KCNA2: variants seen among roughly 807,000 people sequenced by gnomAD.
KCNA2 encodes potassium channel, voltage gated shaker related subfamily A, member 2.
A neutral mutation model predicts 33.4 loss-of-function variants in KCNA2; 11 were observed. That is an observed-to-expected ratio of 0.33 (90% confidence interval 0.21 to 0.55). The LOEUF (loss-of-function observed/expected upper bound fraction) is 0.55, where lower values mean the gene tolerates loss of function less well. Ranked by LOEUF, KCNA2 falls within the 20% of genes least tolerant of loss-of-function variation. The probability of loss-of-function intolerance (pLI) is 0.93; values close to 1 mark genes in which losing one functional copy is unlikely to be tolerated. For synonymous variants in KCNA2, 222 were observed against 231.3 expected (o/e 0.96, Z 0.37); for missense variants, 291 against 621.6 (o/e 0.47, Z 5.66).
chr1:110,602,932 G>C lies in KCNA2; in HGVS notation c.*351C>G. On this transcript the variant is annotated 3_prime_UTR_variant, in exon 3 of 3. Transcript: ENST00000316361. ...TAAGGTGGTGGGATGGTGGGGAGGG[G>C]AGTGCATCTCTTGGATGTTGTGTGC... 9.4e-7 allele frequency: 1 copy of C among 1,062,644 alleles called. No individual in the cohort carries two copies. Among genetic ancestry groups the C allele is most frequent in the Non-Finnish European group, 1.1e-6 (1 of 880,594 alleles). The allele number at this position is 1,062,644 out of a possible 1,614,324, so 65.8% of individuals were successfully genotyped here. A position where few individuals can be genotyped will look rare whatever the true frequency, so the allele number is the denominator to read the frequency against.
In KCNA2 at chr1:110,604,213, A is replaced by G. The variant is rs1557732627; in HGVS notation, c.570T>C (p.Asp190=). The G allele has an allele frequency of 6.2e-7, 1 of 1,614,192 alleles. No individual in the cohort carries two copies. Among genetic ancestry groups the G allele is most frequent in the Admixed American group, 1.7e-5 (1 of 60,024 alleles). Residue 190 remains aspartate (D), a synonymous_variant, in exon 3 of 3, where the codon GAT becomes GAC. Transcript: ENST00000316361. The surrounding 1 kb of genome is among the most constrained non-coding windows in gnomAD (Gnocchi z 7.6). The part of the protein sequence containing the change: ...FCLETLPIFR[D]ENEDMHGSGV... ...CACTACCATGCATGTCTTCATTCTCATCCCGGAAGATGGGCAATGTTTCCA... is the reference window on the plus strand; with the variant it reads ...CACTACCATGCATGTCTTCATTCTCGTCCCGGAAGATGGGCAATGTTTCCA...
In KCNA2 at chr1:110,602,006, T is replaced by G; in HGVS notation, c.*1277A>C. 6.5e-7 allele frequency: 1 copy of G among 1,548,528 alleles called. No homozygotes were observed. Among genetic ancestry groups the G allele is most frequent in the South Asian group, 1.2e-5 (1 of 83,736 alleles). On this transcript the variant is annotated 3_prime_UTR_variant, in exon 3 of 3. Coordinates refer to ENST00000316361, the MANE Select transcript of KCNA2 (RefSeq NM_004974.4). ...GTGAAAGAGAGATACTCGATATATA[T>G]TTATATACACTGGATCCACAGACCT...
Position 110,601,094 on chromosome 1 carries a change from C to T in KCNA2, c.*2189G>A, listed in dbSNP as rs142125195. ...CTGTCTACCTTTAGGCTGTGCAGTG[C>T]TCATTTGCACTCTACTTCTTCTGGG... is the stretch of plus-strand genomic sequence containing the variant. On this transcript the variant is annotated 3_prime_UTR_variant, in exon 3 of 3. Transcript: ENST00000316361. The T allele has an allele frequency of 3.2e-4, 318 of 985,428 alleles. No homozygotes were observed. The African/African-American group carries it at 5.2e-3, about 16-fold the overall frequency. The allele number at this position is 985,428 out of a possible 1,614,324, so 61.0% of individuals were successfully genotyped here. A position where few individuals can be genotyped will look rare whatever the true frequency, so the allele number is the denominator to read the frequency against.
At position 110,603,722 on chromosome 1, in the gene KCNA2, C is replaced by A; in HGVS notation, c.1061G>T (p.Arg354Leu). ...SAVYFAEADE[R>L]ESQFPSIPDA... is the part of the protein sequence containing the mutation. ...TGGGATGCTGGGGAACTGGGACTCT[C>A]GCTCATCGGCCTCTGCAAAATACAC... is the stretch of plus-strand genomic sequence containing the variant. Residue 354 changes from arginine to leucine, a missense_variant, in exon 3 of 3, where the codon CGA (arginine) becomes CTA (leucine). Transcript: ENST00000316361. This position sits in a 1 kb window ranked among gnomAD's most constrained non-coding sequence, Gnocchi z 5.7. The A allele has an allele frequency of 6.2e-7, 1 of 1,613,986 alleles. No individual in the cohort carries two copies.
At chr1:110,626,182 A>G (rs930961949) in intron 1 of KCNA2, among the ~76,000 whole-genome samples, 9 of 152,236 alleles carry the variant, frequency 5.9e-5, no homozygotes, top group Non-Finnish European at 1.2e-4. Context: ...TGTAATAGTA[A>G]AAGACTGGAA....
chr1:110,620,053 C>CGAGAGCGAGAGA (rs1433707646), intron 1 of KCNA2, among the ~76,000 whole-genome samples: 21 of 126,832 alleles, frequency 1.7e-4, no homozygotes, highest in East Asian at 1.2e-3. Flanking sequence ...AGAGCGAGAG[C>CGAGAGCGAGAGA]GAGAGAGAGA....
chr1:110,625,121 A>G (rs1449066418), intron 1 of KCNA2, among the ~76,000 whole-genome samples: 2 of 152,342 alleles, frequency 1.3e-5, no homozygotes, highest in African/African-American at 4.8e-5. Flanking sequence ...CCCTTGGCCC[A>G]TTGCAGAAGC....
chr1:110,620,458 C>T (rs930409052), intron 1 of KCNA2, among the ~76,000 whole-genome samples: 9 of 152,296 alleles, frequency 5.9e-5, no homozygotes, highest in African/African-American at 2.2e-4. Context: ...CCCATCGTCT[C>T]ACCTGTCTTT....
intron 1 of KCNA2, among the ~76,000 whole-genome samples, chr1:110,624,782 T>C (rs1397578423): frequency 1.3e-5 from 2 of 152,196 alleles, no homozygotes; most frequent in Admixed American, 6.5e-5. Context: ...ACATTTATCA[T>C]GAAAAATATA....
In KCNA2 at chr1:110,598,974, G is replaced by A; in HGVS notation, c.*4309C>T. On this transcript the variant is annotated 3_prime_UTR_variant, in exon 3 of 3. Transcript: ENST00000316361. ...AGTTTCTTGAAAATGAATCCACAGA[G>A]GCACTTGATGAAGCCAACAGGAATG... 1 of 985,384 alleles carries A rather than the reference G, an allele frequency of 1.0e-6. No individual in the cohort carries two copies. 61.0% of individuals were successfully genotyped at this position (985,384 alleles called of 1,614,324 possible).
At chr1:110,622,309 A>G (rs563549569) in intron 1 of KCNA2, among the ~76,000 whole-genome samples, 3 of 152,260 alleles carry the variant, frequency 2.0e-5, no homozygotes, top group South Asian at 2.1e-4. Flanking sequence ...TTGTGATAAC[A>G]TCTTTCAGCA....
At chr1:110,629,082 C>T (rs1650477473) in intron 1 of KCNA2, among the ~76,000 whole-genome samples, 1 of 152,118 alleles carries the variant, frequency 6.6e-6, no homozygotes, top group Non-Finnish European at 1.5e-5. Flanking sequence ...AGAATGGCTC[C>T]CAAATGTTGG....
chr1:110,597,108 G>A lies in KCNA2; in HGVS notation c.*6175C>T, dbSNP rs1037441504. Reference sequence around the variant, plus strand: ...ACCTGCTTCCTTCTGCAGCTCTCACGGAGTCCCTTTGGTTGAGCAAGTCAG... The same window carrying A: ...ACCTGCTTCCTTCTGCAGCTCTCACAGAGTCCCTTTGGTTGAGCAAGTCAG... On this transcript the variant is annotated 3_prime_UTR_variant, in exon 3 of 3. Coordinates refer to ENST00000316361, the MANE Select transcript of KCNA2 (RefSeq NM_004974.4). The A allele has an allele frequency of 7.1e-6, 7 of 985,314 alleles. No homozygotes were observed. The highest frequency in any genetic ancestry group is 9.4e-5 in the South Asian group (2 of 21,294). The allele number at this position is 985,314 out of a possible 1,614,324, so 61.0% of individuals were successfully genotyped here.
chr1:110,596,340 T>C lies in KCNA2; in HGVS notation c.*6943A>G, dbSNP rs1028277494. On this transcript the variant is annotated 3_prime_UTR_variant, in exon 3 of 3. Coordinates refer to ENST00000316361, the MANE Select transcript of KCNA2 (RefSeq NM_004974.4). ...AGTATACATATATACATATACTATA[T>C]ATATATATATACACACATAAATATA... 7.5e-6 allele frequency: 3 copies of C among 397,902 alleles called. No individual in the cohort carries two copies. Among genetic ancestry groups the C allele is most frequent in the Non-Finnish European group, 1.0e-5 (3 of 294,524 alleles). The allele number at this position is 397,902 out of a possible 1,614,324, so 24.6% of individuals were successfully genotyped here.
Position 110,596,215 on chromosome 1 carries a change from A to G in KCNA2, c.*7068T>C. Reference sequence around the variant, plus strand: ...AAGAATGCAAAGGAGGTCATTCAAAAAATGCACATAAATGCAGTTTATTCC... The same window carrying G: ...AAGAATGCAAAGGAGGTCATTCAAAGAATGCACATAAATGCAGTTTATTCC... On this transcript the variant is annotated 3_prime_UTR_variant, in exon 3 of 3. Coordinates refer to ENST00000316361, the MANE Select transcript of KCNA2 (RefSeq NM_004974.4). 4 of 985,284 alleles carry G rather than the reference A, an allele frequency of 4.1e-6. No homozygotes were observed. The highest frequency in any genetic ancestry group is 4.8e-6 in the Non-Finnish European group (4 of 829,798). 61.0% of individuals were successfully genotyped at this position (985,284 alleles called of 1,614,324 possible).
intron 1 of KCNA2, among the ~76,000 whole-genome samples, chr1:110,630,685 A>G (rs1650530216): frequency 6.6e-6 from 1 of 152,360 alleles, no homozygotes; most frequent in Admixed American, 6.5e-5. Flanking sequence ...GAGAAAAACA[A>G]CAGACACTAA....
intron 1 of KCNA2, among the ~76,000 whole-genome samples, chr1:110,620,558 G>A (rs1217321979): frequency 6.6e-6 from 1 of 152,176 alleles, no homozygotes; most frequent in Non-Finnish European, 1.5e-5. Flanking sequence ...GGGCAGGGTA[G>A]GGCATGAACA....
At chr1:110,609,939 G>A (rs1570758872), upstream of KCNA2, among the ~76,000 whole-genome samples, 1 of 152,210 alleles carries the variant, frequency 6.6e-6, no homozygotes, top group East Asian at 1.9e-4. Flanking sequence ...GAATGGGAGA[G>A]CAAAGCTACT....
chr1:110,598,443 C>T lies in KCNA2; in HGVS notation c.*4840G>A, dbSNP rs1436777542. ...TACTACTGTGGGCAGTGCTGAATCC[C>T]CAGCCTGAGGAGCTTCAGAGGGTGC... On this transcript the variant is annotated 3_prime_UTR_variant, in exon 3 of 3. Coordinates refer to ENST00000316361, the MANE Select transcript of KCNA2 (RefSeq NM_004974.4). 6 of 985,256 alleles carry T rather than the reference C, an allele frequency of 6.1e-6. No individual in the cohort carries two copies. The highest frequency in any genetic ancestry group is 7.2e-6 in the Non-Finnish European group (6 of 829,972). 61.0% of individuals were successfully genotyped at this position (985,256 alleles called of 1,614,324 possible).
Sources: allele counts gnomAD v4.1 joint callset (sites outside exome capture counted in the v4.1 genomes callset), GRCh38; gene constraint gnomAD v4.1.1; non-coding constraint Gnocchi (gnomAD v3.1); transcripts MANE v1.5; gene names NCBI Gene and HGNC (gene_info 2026-07-23, HGNC 2026-07-21).